Variants in CD70 observed in about 807,000 individuals in gnomAD.
The protein encoded by CD70 is CD70 molecule.
In CD70, 6 loss-of-function variants were observed where a neutral mutation model predicts 9.0. The observed-to-expected ratio is 0.67, with a 90% CI of 0.37 to 1.32. The LOEUF (loss-of-function observed/expected upper bound fraction) is 1.32. Ranked by LOEUF, CD70 falls within the 40% of genes most tolerant of loss-of-function variation. The pLI, the probability that CD70 is intolerant of heterozygous loss-of-function variation, is 0.02. For synonymous variants in CD70, 108 were observed against 112.3 expected (o/e 0.96, Z 0.24); for missense variants, 235 against 258.7 (o/e 0.91, Z 0.63).
chr19:6,586,149 A>G lies in CD70; in HGVS notation c.453T>C (p.Cys151=). ...SLLRLSFHQG[C]TIASQRLTPL... The stretch of plus-strand genomic sequence containing the variant: ...GCGTCAGGCGCTGGGAGGCAATGGT[A>G]CAACCTTGGTGGAAGCTGAGACGCA... Residue 151 remains cysteine (C), a synonymous_variant, in exon 3 of 3, where the codon TGT becomes TGC. Transcript: ENST00000245903. 1 of 1,614,130 alleles carries G rather than the reference A, an allele frequency of 6.2e-7. No individual in the cohort carries two copies. Among genetic ancestry groups the G allele is most frequent in the Non-Finnish European group, 8.5e-7 (1 of 1,180,016 alleles).
In CD70 at chr19:6,586,057, T is replaced by A. The variant is rs1168311363; in HGVS notation, c.545A>T (p.Asp182Val). The A allele has an allele frequency of 6.2e-7, 1 of 1,613,894 alleles. No individual in the cohort carries two copies. Among genetic ancestry groups the A allele is most frequent in the Non-Finnish European group, 8.5e-7 (1 of 1,179,888 alleles). Residue 182 changes from aspartate to valine, a missense_variant, in exon 3 of 3, where the codon GAT becomes GTT. Transcript: ENST00000245903. ...TGTLLPSRNTDETFFGVQWVR... is the reference protein window; with the variant it reads ...TGTLLPSRNTVETFFGVQWVR... ...CCACTGCACTCCAAAGAAGGTCTCA[T>A]CAGTGTTTCGGGAAGGCAAAAGTGT...
rs1166621473 is a variant in CD70 at position 6,586,172 on chromosome 19, G to A, written c.430C>T (p.Arg144Cys). ...GTACAACCTTGGTGGAAGCTGAGACGCAGCAGGCTGATGCTACGGGAGGCG... is the reference window on the plus strand; with the variant it reads ...GTACAACCTTGGTGGAAGCTGAGACACAGCAGGCTGATGCTACGGGAGGCG... ...SPASRSISLLRLSFHQGCTIA... is the reference protein window; with the variant it reads ...SPASRSISLLCLSFHQGCTIA... Residue 144 changes from arginine to cysteine, a missense_variant, in exon 3 of 3, where the codon CGT (arginine) becomes TGT (cysteine). By Grantham distance (180) the Arg-to-Cys change is radical (BLOSUM62 -3). Transcript: ENST00000245903. 3.7e-6 allele frequency: 6 copies of A among 1,614,028 alleles called. No individual in the cohort carries two copies. The highest frequency in any genetic ancestry group is 4.2e-6 in the Non-Finnish European group (5 of 1,180,042).
At chr19:6,583,479 C>A, downstream of CD70, 1 of 639,950 alleles carries the variant, frequency 1.6e-6, no homozygotes, top group Non-Finnish European at 2.9e-6. Context: ...CCAAAAAGCC[C>A]TGGAAATCAA....
chr19:6,588,226 T>C (rs1383606410), intron 2 of CD70, among the ~76,000 whole-genome samples: 3 of 152,136 alleles, frequency 2.0e-5, no homozygotes, highest in African/African-American at 7.2e-5. Context: ...GTCACACACT[T>C]AGGCATGATA....
chr19:6,586,294 A>G lies in CD70; in HGVS notation c.308T>C (p.Ile103Thr), dbSNP rs1438852542. The change falls in exon 3 of 3, where the codon ATC becomes ACC. Residue 103 changes from isoleucine (I) to threonine (T), a missense_variant. Coordinates refer to ENST00000245903, the MANE Select transcript of CD70 (RefSeq NM_001252.5). ...KGQLRIHRDG[I>T]YMVHIQVTLA... ...CGTCACCTGGATGTGTACCATGTAG[A>G]TGCCATCACGATGGATACGTAGCTG... The G allele has an allele frequency of 2.5e-6, 4 of 1,613,776 alleles. No homozygotes were observed. Among genetic ancestry groups the G allele is most frequent in the African/African-American group, 1.3e-5 (1 of 74,886 alleles).
chr19:6,589,796 C>T, intron 2 of CD70, among the ~76,000 whole-genome samples: 1 of 151,226 alleles, frequency 6.6e-6, no homozygotes, highest in South Asian at 2.1e-4. Context: ...CTCCCTCCCT[C>T]TTCCACTCTC....
chr19:6,586,448 G>T, intron 2 of CD70, 43 bp from the exon 3 acceptor site: 2 of 1,545,766 alleles, frequency 1.3e-6, no homozygotes, highest in Non-Finnish European at 1.7e-6. Context: ...GGAGGTTTAG[G>T]GAAACTGAGG....
chr19:6,584,625 C>G (rs186916258), downstream of CD70, among the ~76,000 whole-genome samples: 2 of 146,626 alleles, frequency 1.4e-5, no homozygotes, highest in African/African-American at 2.5e-5. Flanking sequence ...TTGGGGAGAC[C>G]GAGGCGGGAA....
rs944682371 is a variant in CD70 at position 6,587,874 on chromosome 19, T to G, written c.197-1469A>C. Among the ~76,000 whole-genome samples, 12 of 151,928 alleles carry G rather than the reference T, an allele frequency of 7.9e-5. 1 individual carries two copies. The highest frequency in any genetic ancestry group is 4.1e-4 in the South Asian group (2 of 4,820). On this transcript the variant is annotated intron_variant, in intron 2 of 2. Coordinates refer to ENST00000245903, the MANE Select transcript of CD70 (RefSeq NM_001252.5). The stretch of plus-strand genomic sequence containing the variant: ...GGCATGCGCCACCATGACCAGCTAA[T>G]TTTCAAAATTTTGTTCTAGAGATGG...
intron 2 of CD70, among the ~76,000 whole-genome samples, chr19:6,588,051 G>T (rs1000777651): frequency 1.3e-5 from 2 of 152,074 alleles, no homozygotes; most frequent in African/African-American, 4.8e-5. Flanking sequence ...TCCTGTCTCC[G>T]CAACTTATCT....
At chr19:6,583,776 A>G (rs1320757993), downstream of CD70, among the ~76,000 whole-genome samples, 2 of 141,374 alleles carry the variant, frequency 1.4e-5, no homozygotes, top group African/African-American at 5.2e-5. Flanking sequence ...CCAGATTGGT[A>G]ACTGTGGTCT....
At chr19:6,583,602 A>G (rs986513154), downstream of CD70, 1 of 537,822 alleles carries the variant, frequency 1.9e-6, no homozygotes, top group Non-Finnish European at 3.2e-6. Context: ...TCTGCCACCC[A>G]GGCTGGAGTG....
rs1289639429 is a variant in CD70 at position 6,590,524 on chromosome 19, A to G, written c.162+317T>C. The stretch of plus-strand genomic sequence containing the variant: ...CCATCCCGTCCTAGGAGGCCCCAGG[A>G]AGCCCCCACGCCCAGCCTTGTGAAG... On this transcript the variant is annotated intron_variant, in intron 1 of 2. Transcript: ENST00000245903. The surrounding 1 kb of genome is among the most constrained non-coding windows in gnomAD (Gnocchi z 5.3). 6.6e-6 allele frequency among the ~76,000 whole-genome samples: 1 copy of G among 152,058 alleles called. No homozygotes were observed. The highest frequency in any genetic ancestry group is 1.5e-5 in the Non-Finnish European group (1 of 67,976).
At chr19:6,586,920 A>C (rs1916031885) in intron 2 of CD70, among the ~76,000 whole-genome samples, 2 of 146,030 alleles carry the variant, frequency 1.4e-5, no homozygotes, top group East Asian at 2.2e-4. Context: ...AAAAAAAAAA[A>C]AACAGAAACA....
chr19:6,582,122 C>T (rs12610000), downstream of CD70, among the ~76,000 whole-genome samples: 41,270 of 151,202 alleles, frequency 0.27, 6,216 homozygotes, highest in East Asian at 0.66. Flanking sequence ...CTCTGCCTCC[C>T]GGGTTAAAGC....
chr19:6,586,022 A>AG lies in CD70; in HGVS notation c.579dup (p.Ter194LeufsTer7). The AG allele has an allele frequency of 4.4e-6, 7 of 1,605,516 alleles. No homozygotes were observed. The highest frequency in any genetic ancestry group is 6.0e-6 in the Non-Finnish European group (7 of 1,172,858). ...AAAACCCTAATCAGCAGCAGTGGTC[A>AG]GGGGCGCACCCACTGCACTCCAAAG... On this transcript the variant is annotated frameshift_variant, in exon 3 of 3. Coordinates refer to ENST00000245903, the MANE Select transcript of CD70 (RefSeq NM_001252.5). LOFTEE classifies it high-confidence loss of function.
At chr19:6,589,959 C>G in intron 2 of CD70, 144 bp downstream of exon 2, 16 of 514,030 alleles carry the variant, frequency 3.1e-5, no homozygotes, top group Non-Finnish European at 4.1e-5. Flanking sequence ...CTCTCCGTTT[C>G]CCTCCCTATC....
chr19:6,581,740 T>C (rs1218800284), downstream of CD70, among the ~76,000 whole-genome samples: 1 of 152,154 alleles, frequency 6.6e-6, no homozygotes, highest in Non-Finnish European at 1.5e-5. Flanking sequence ...ATATTTTTCC[T>C]TTTTGACTGG....
Position 6,586,350 on chromosome 19 carries a change from G to A in CD70, c.252C>T (p.Ser84=). 1 of 1,613,238 alleles carries A rather than the reference G, an allele frequency of 6.2e-7. No homozygotes were observed. Among genetic ancestry groups the A allele is most frequent in the Non-Finnish European group, 8.5e-7 (1 of 1,179,988 alleles). The change falls in exon 3 of 3, where the codon TCC becomes TCT. Residue 84 remains serine, a synonymous_variant. Transcript: ENST00000245903. ...YWQGGPALGR[S]FLHGPELDKG... is the part of the protein sequence containing the mutation. ...TGTCCAGCTCTGGTCCATGCAGGAA[G>A]GAGCGGCCCAGTGCTGGGCCCCCCT...
Sources: gnomAD v4.1 joint callset for allele counts (sites outside exome capture counted in the v4.1 genomes callset) on GRCh38, gnomAD v4.1.1 for gene constraint, Gnocchi (gnomAD v3.1) non-coding constraint, MANE v1.5 for transcripts, NCBI Gene and HGNC (gene_info 2026-07-23, HGNC 2026-07-21) for gene names.